The following RGS3 variants were observed in gnomAD, a reference collection of about 807,000 sequenced individuals.
The protein encoded by RGS3 is regulator of G-protein signalling 3.
Under a neutral mutation model 132.6 loss-of-function variants are expected in RGS3, and 80 were observed. That is an observed-to-expected ratio of 0.60 (90% CI 0.50 to 0.73). The LOEUF (loss-of-function observed/expected upper bound fraction) is 0.73. Among genes scored for constraint, RGS3 ranks in the 30% least tolerant of loss-of-function variants. The pLI, the probability that RGS3 is intolerant of heterozygous loss-of-function variation, is 0.00. For missense variants in RGS3, 1,382 were observed against 1,530.8 expected (o/e 0.90, Z 1.62); for synonymous variants, 598 against 620.6 (o/e 0.96, Z 0.54).
At chr9:113,529,154 G>A (rs1832353738) in intron 17 of RGS3, 67 bp from the exon 16 acceptor site, 6 of 1,248,700 alleles carry the variant, frequency 4.8e-6, no homozygotes, top group Non-Finnish European at 5.9e-6. Flanking sequence ...AGCTGACTGT[G>A]CTGGAGCAAA....
intron 24 of RGS3, 126 bp downstream of exon 22, chr9:113,595,891 C>T (rs1402737152): frequency 1.9e-6 from 2 of 1,030,942 alleles, no homozygotes; most frequent in Non-Finnish European, 2.8e-6. Flanking sequence ...CCCAGGTACC[C>T]AGCAGGGAAG....
chr9:113,536,570 C>G, intron 18 of RGS3: 1 of 1,350,088 alleles, frequency 7.4e-7, no homozygotes. Context: ...TCCCCTCCCC[C>G]AACCTGTGGG....
At chr9:113,468,317 C>T in intron 3 of RGS3, among the ~76,000 whole-genome samples, 1 of 152,166 alleles carries the variant, frequency 6.6e-6, no homozygotes, top group East Asian at 1.9e-4. Context: ...CATTATTTCT[C>T]TATTGGATGA....
At chr9:113,501,626 G>A (rs756715389) in intron 10 of RGS3, 13 of 1,562,108 alleles carry the variant, frequency 8.3e-6, no homozygotes, top group East Asian at 4.6e-5. Context: ...CGCCGCTACC[G>A]CCAGGTGGGT....
intron 19 of RGS3, among the ~76,000 whole-genome samples, chr9:113,551,543 A>G (rs143492164): frequency 9.8e-5 from 15 of 152,320 alleles, no homozygotes; most frequent in Middle Eastern, 6.8e-3. Context: ...AGAAACTACC[A>G]GACTGTTGTC....
At chr9:113,483,475 T>G (rs1354012255) in intron 5 of RGS3, among the ~76,000 whole-genome samples, 1 of 152,152 alleles carries the variant, frequency 6.6e-6, no homozygotes, top group Non-Finnish European at 1.5e-5. Context: ...ATGGCCAGAT[T>G]TGGGCAGTAG....
In RGS3 at chr9:113,591,323, C is replaced by T. The variant is rs201624555; in HGVS notation, c.3016-10C>T. ...GCCCAGACTGCATCGTGTCTGTCTT[C>T]TCTCCGCAGATGAGCGGGGCTGACA... On this transcript the variant is annotated splice_polypyrimidine_tract_variant and intron_variant, in intron 20 of 24. Transcript: ENST00000350696. The surrounding 1 kb of genome is among the most constrained non-coding windows in gnomAD (Gnocchi z 4.4). 4 of 1,613,024 alleles carry T rather than the reference C, an allele frequency of 2.5e-6. No individual in the cohort carries two copies. The East Asian group carries it at 6.7e-5, about 27-fold the overall frequency.
intron 16 of RGS3, among the ~76,000 whole-genome samples, chr9:113,522,087 A>G (rs1831984446): frequency 6.6e-6 from 1 of 152,266 alleles, no homozygotes; most frequent in African/African-American, 2.4e-5. Flanking sequence ...TTTTCTTAGC[A>G]TAAAAATATG....
At position 113,453,206 on chromosome 9, in the gene RGS3, CAT is replaced by C. The variant is rs1419386766; in HGVS notation, c.-12-7038_-12-7037del. ...TCATTATATGATTACATAATATACTCATTATATGATTACATAATATACTCATT... is the reference window on the plus strand; with the variant it reads ...TCATTATATGATTACATAATATACTCTATATGATTACATAATATACTCATT... On this transcript the variant is annotated intron_variant, in intron 1 of 25. Coordinates refer to the RGS3 transcript ENST00000374140. Among the ~76,000 whole-genome samples the C allele has an allele frequency of 2.3e-3, 258 of 112,886 alleles. 1 individual carries two copies. Among genetic ancestry groups the C allele is most frequent in the African/African-American group, 8.6e-3 (249 of 29,078 alleles). 74.1% of individuals were successfully genotyped at this position (112,886 alleles called of 152,430 possible). A position where few individuals can be genotyped will look rare whatever the true frequency, so the allele number is the denominator to read the frequency against.
intron 19 of RGS3, among the ~76,000 whole-genome samples, chr9:113,567,702 G>T (rs1325816931): frequency 1.3e-5 from 2 of 152,210 alleles, no homozygotes; most frequent in African/African-American, 2.4e-5. Context: ...GGGCTAGGTG[G>T]AATTCACAGC....
chr9:113,450,815 G>A (rs112675362), intron 1 of RGS3, among the ~76,000 whole-genome samples: 6,097 of 152,234 alleles, frequency 0.04, 164 homozygotes, highest in South Asian at 0.1. Context: ...TAGGCAAGTG[G>A]TCTGCATAAT....
rs535770607 is a variant in RGS3, at chr9:113,482,652, G to A, written c.467-407G>A. 1.1e-4 allele frequency among the ~76,000 whole-genome samples: 16 copies of A among 152,314 alleles called. No homozygotes were observed. The South Asian group carries it at 2.9e-3, about 28-fold the overall frequency. On this transcript the variant is annotated intron_variant, in intron 4 of 24. Coordinates refer to ENST00000350696, the Ensembl canonical transcript of RGS3. ...AAGAGACATGGGTTCCAAATCCAGC[G>A]GTCATTCCCATTGTTCTGTGATTGT...
intron 20 of RGS3, among the ~76,000 whole-genome samples, chr9:113,586,543 C>T (rs138862502): frequency 5.1e-4 from 77 of 152,310 alleles, no homozygotes; most frequent in African/African-American, 1.8e-3. Context: ...AACTTTTAGC[C>T]GGTCACTTCC....
chr9:113,459,217 A>G (rs775388642), upstream of RGS3, among the ~76,000 whole-genome samples: 2 of 152,238 alleles, frequency 1.3e-5, no homozygotes, highest in African/African-American at 4.8e-5. Context: ...AGTTAAAACT[A>G]CATTAGCATC....
At chr9:113,464,380 A>G (rs1391267687) in intron 3 of RGS3, among the ~76,000 whole-genome samples, 2 of 152,290 alleles carry the variant, frequency 1.3e-5, no homozygotes, top group Non-Finnish European at 1.5e-5. Context: ...TCTCTCCTCC[A>G]AGAAAGAACA....
At chr9:113,560,400 G>C (rs1278998084) in intron 19 of RGS3, among the ~76,000 whole-genome samples, 2 of 150,894 alleles carry the variant, frequency 1.3e-5, no homozygotes, top group African/African-American at 4.9e-5. Context: ...CCACCAGGAA[G>C]AGCAAGACCT....
intron 3 of RGS3, among the ~76,000 whole-genome samples, chr9:113,474,635 C>T (rs1033672214): frequency 7.9e-5 from 12 of 152,120 alleles, no homozygotes; most frequent in Non-Finnish European, 1.5e-4. Context: ...TGGATGTTAG[C>T]GGCTGGCTAG....
chr9:113,445,762 T>C (rs537938825), intron 1 of RGS3, among the ~76,000 whole-genome samples: 1 of 152,184 alleles, frequency 6.6e-6, no homozygotes, highest in Non-Finnish European at 1.5e-5. Flanking sequence ...CATTGCAACC[T>C]CCGCCGCCTG....
intron 15 of RGS3, chr9:113,517,336 C>G (rs1426298285): frequency 1.5e-6 from 1 of 680,942 alleles, no homozygotes; most frequent in Non-Finnish European, 2.7e-6. Flanking sequence ...GTGGCAGCAA[C>G]AGTTCCACAG....
Sources: gnomAD v4.1 joint callset for allele counts (sites outside exome capture counted in the v4.1 genomes callset) on GRCh38, gnomAD v4.1.1 for gene constraint, Gnocchi (gnomAD v3.1) non-coding constraint, MANE v1.5 for transcripts, NCBI Gene and HGNC (gene_info 2026-07-23, HGNC 2026-07-21) for gene names.